Variants in NCKAP1 observed in about 807,000 individuals in gnomAD.
The protein encoded by NCKAP1 is nck-associated protein 1.
Under a neutral mutation model 151.2 loss-of-function variants are expected in NCKAP1, and 21 were observed. That is an observed-to-expected ratio of 0.14 (90% CI 0.10 to 0.20). The LOEUF is 0.20. NCKAP1 is among the 10% of genes least tolerant of loss of function. NCKAP1 has a pLI of 1.00. For synonymous variants in NCKAP1, 484 were observed against 451.8 expected, an observed-to-expected ratio of 1.07 and a Z score of -0.90; for missense variants, 933 against 1,352.1, an observed-to-expected ratio of 0.69 and a Z score of 4.86.
intron 10 of NCKAP1, among the ~76,000 whole-genome samples, chr2:182,985,472 T>C (rs1426665676): frequency 1.3e-5 from 2 of 151,270 alleles, no homozygotes; most frequent in East Asian, 1.9e-4. Flanking sequence ...TATTTACTAA[T>C]ATAAGAAATT....
At chr2:183,006,431 T>C (rs1038416697) in intron 2 of NCKAP1, among the ~76,000 whole-genome samples, 6 of 152,210 alleles carry the variant, frequency 3.9e-5, no homozygotes, top group Non-Finnish European at 8.8e-5. Context: ...TTATTACCCA[T>C]AGTATTTCTA....
chr2:182,921,937 G>A lies in NCKAP1; in HGVS notation c.*3765C>T, dbSNP rs923926416. ...CGAAAAACATAATTTTTGTACTACA[G>A]AATAAAAATTTTAAAATCTCAAATA... On this transcript the variant is annotated 3_prime_UTR_variant, in exon 31 of 31. Coordinates refer to ENST00000361354, the MANE Select transcript of NCKAP1 (RefSeq NM_013436.5). The A allele has an allele frequency of 2.6e-5, 4 of 152,136 alleles. No individual in the cohort carries two copies. The highest frequency in any genetic ancestry group is 9.7e-5 in the African/African-American group (4 of 41,438). The allele number at this position is 152,136 out of a possible 1,614,324, so 9.4% of individuals were successfully genotyped here. A position where few individuals can be genotyped will look rare whatever the true frequency, so the allele number is the denominator to read the frequency against.
chr2:182,975,264 C>T (rs1332771832), intron 15 of NCKAP1, among the ~76,000 whole-genome samples: 3 of 152,026 alleles, frequency 2.0e-5, no homozygotes, highest in Admixed American at 2.0e-4. Flanking sequence ...ATAATATATA[C>T]ACATTTAACA....
At chr2:182,951,534 T>G (rs1226067476) in intron 23 of NCKAP1, among the ~76,000 whole-genome samples, 1 of 146,842 alleles carries the variant, frequency 6.8e-6, no homozygotes, top group Admixed American at 7.1e-5. Context: ...CCAGGCTTGG[T>G]GGTGCGTGCC....
At chr2:182,997,534 G>A (rs1298740548) in intron 6 of NCKAP1, among the ~76,000 whole-genome samples, 1 of 152,140 alleles carries the variant, frequency 6.6e-6, no homozygotes, top group East Asian at 1.9e-4. Context: ...TAGTTTCCAA[G>A]TATTTGTGTG....
At chr2:182,963,094 TAAA>T (rs1244345311) in intron 17 of NCKAP1, among the ~76,000 whole-genome samples, 1 of 152,000 alleles carries the variant, frequency 6.6e-6, no homozygotes, top group African/African-American at 2.4e-5. Context: ...ACATAAAATA[TAAA>T]AATACTTGAG....
chr2:183,015,132 T>A (rs904473154), intron 2 of NCKAP1, among the ~76,000 whole-genome samples: 3 of 152,324 alleles, frequency 2.0e-5, no homozygotes, highest in Middle Eastern at 3.4e-3. Flanking sequence ...GTTATGAATA[T>A]AGTTTAGTAT....
At chr2:182,945,247 CAA>C (rs67079042) in intron 23 of NCKAP1, among the ~76,000 whole-genome samples, 1 of 150,942 alleles carries the variant, frequency 6.6e-6, no homozygotes, top group Non-Finnish European at 1.5e-5. Flanking sequence ...AAATAAAAAA[CAA>C]AAAAAAAGCT....
intron 26 of NCKAP1, among the ~76,000 whole-genome samples, chr2:182,931,437 T>A (rs1696762255): frequency 6.6e-6 from 1 of 151,996 alleles, no homozygotes. Flanking sequence ...ATAGTATAGC[T>A]TAGAAAAACT....
At chr2:183,016,052 A>C (rs1044282437) in intron 2 of NCKAP1, among the ~76,000 whole-genome samples, 1 of 152,100 alleles carries the variant, frequency 6.6e-6, no homozygotes, top group South Asian at 2.1e-4. Context: ...TGGTAACTGA[A>C]GTTATAAGGG....
chr2:182,968,064 G>C (rs1380203349), intron 15 of NCKAP1, among the ~76,000 whole-genome samples: 1 of 152,182 alleles, frequency 6.6e-6, no homozygotes, highest in Non-Finnish European at 1.5e-5. Context: ...GTGCAAAGAA[G>C]AGAAGGGAAA....
In NCKAP1 at chr2:182,992,714, C is replaced by A. The variant is rs147468753; in HGVS notation, c.790+2125G>T. On this transcript the variant is annotated intron_variant, in intron 8 of 30. Transcript: ENST00000361354. ...ATATAATTAATAAAAATAGCTACGG[C>A]CAGATAGTATTGTTAAATTTCCCCT... Among the ~76,000 whole-genome samples the A allele has an allele frequency of 1.4e-4, 21 of 152,166 alleles. No individual in the cohort carries two copies. In the East Asian group the frequency reaches 4.0e-3, roughly 29 times the overall value.
At chr2:182,950,704 C>T (rs1258878025) in intron 23 of NCKAP1, among the ~76,000 whole-genome samples, 1 of 152,098 alleles carries the variant, frequency 6.6e-6, no homozygotes, top group Non-Finnish European at 1.5e-5. Flanking sequence ...AGACATTATG[C>T]TGAGTACCTA....
At position 182,994,903 on chromosome 2, in the gene NCKAP1, T is replaced by C. The variant is rs1309163444; in HGVS notation, c.742-16A>G. On this transcript the variant is annotated splice_polypyrimidine_tract_variant and intron_variant, in intron 7 of 30. Coordinates refer to ENST00000361354, the MANE Select transcript of NCKAP1 (RefSeq NM_013436.5). ...CACAAGGCATCTTAAAAAGAGAATA[T>C]ATACATTTGCAGTTAAAAGAAATTC... The C allele has an allele frequency of 1.9e-6, 3 of 1,586,278 alleles. No individual in the cohort carries two copies. The highest frequency in any genetic ancestry group is 2.7e-5 in the African/African-American group (2 of 74,280).
chr2:182,988,238 A>G (rs1181484704), intron 9 of NCKAP1, among the ~76,000 whole-genome samples: 2 of 152,242 alleles, frequency 1.3e-5, no homozygotes, highest in Non-Finnish European at 2.9e-5. Context: ...ACATATACAC[A>G]TACATTAAAA....
intron 8 of NCKAP1, among the ~76,000 whole-genome samples, chr2:182,990,615 C>T (rs1698147924): frequency 6.6e-6 from 1 of 152,146 alleles, no homozygotes; most frequent in Non-Finnish European, 1.5e-5. Flanking sequence ...ATTCACTGAA[C>T]ATCTACTCAG....
intron 24 of NCKAP1, 100 bp downstream of exon 24, chr2:182,941,970 T>C: frequency 2.2e-6 from 2 of 914,234 alleles, no homozygotes; most frequent in South Asian, 3.7e-5. Context: ...GTACTTTTCA[T>C]AATTTACTAC....
In NCKAP1 at chr2:182,962,171, G is replaced by A; in HGVS notation, c.1869C>T (p.Thr623=). The A allele has an allele frequency of 6.2e-7, 1 of 1,607,238 alleles. No homozygotes were observed. Among genetic ancestry groups the A allele is most frequent in the South Asian group, 1.1e-5 (1 of 89,712 alleles). ...CTTAAATCATTACCTGGTCACTAAG[G>A]GTACACTGTTCTGTGCAAATATCAG... ...LITDICTEQC[T]LSDQLLPKHC... The change falls in exon 18 of 31, where the codon ACC becomes ACT. Residue 623 remains threonine, a synonymous_variant. Coordinates refer to ENST00000361354, the MANE Select transcript of NCKAP1 (RefSeq NM_013436.5).
intron 20 of NCKAP1, among the ~76,000 whole-genome samples, chr2:182,953,697 T>C (rs923672519): frequency 2.0e-5 from 3 of 151,486 alleles, no homozygotes; most frequent in African/African-American, 7.3e-5. Flanking sequence ...ACTTGGGAGG[T>C]TGAGACAGGA....
Sources: allele counts gnomAD v4.1 joint callset (sites outside exome capture counted in the v4.1 genomes callset), GRCh38; gene constraint gnomAD v4.1.1; transcripts MANE v1.5; gene names NCBI Gene and HGNC (gene_info 2026-07-23, HGNC 2026-07-21).